RTN4: variants seen among roughly 807,000 people sequenced by gnomAD.
RTN4 encodes reticulon-4.
RTN4 carries 32 observed loss-of-function variants against 90.4 expected under a neutral mutation model. The observed-to-expected ratio is 0.35, with a 90% CI of 0.27 to 0.48. RTN4 has a LOEUF of 0.48. Ranked by LOEUF, RTN4 falls within the 20% of genes least tolerant of loss-of-function variation. The pLI is 0.99. For missense variants in RTN4, 1,706 were observed against 1,430.2 expected, an observed-to-expected ratio of 1.19 and a Z score of -3.11; for synonymous variants, 629 against 552.5, an observed-to-expected ratio of 1.14 and a Z score of -1.94.
At chr2:55,016,902 G>C (rs1004647812) in intron 3 of RTN4, among the ~76,000 whole-genome samples, 4 of 152,104 alleles carry the variant, frequency 2.6e-5, no homozygotes, top group African/African-American at 4.8e-5. Context: ...TAGAACTCAG[G>C]TCTGTAAAAT....
At chr2:54,978,803 G>A (rs1677879446) in intron 5 of RTN4, among the ~76,000 whole-genome samples, 2 of 152,078 alleles carry the variant, frequency 1.3e-5, no homozygotes, top group Admixed American at 6.6e-5. Flanking sequence ...CTCAACTGGA[G>A]AGACTGGAGC....
upstream of RTN4, chr2:55,050,794 G>C (rs1255419220): frequency 8.3e-6 from 1 of 120,954 alleles, no homozygotes; most frequent in Non-Finnish European, 1.7e-5. The surrounding 1 kb of genome is among the most constrained non-coding windows in gnomAD (Gnocchi z 4.6). Context: ...GAGTTGGGGT[G>C]GGGTCTTGGC....
chr2:54,988,415 A>G (rs1285111275), intron 3 of RTN4, among the ~76,000 whole-genome samples: 1 of 152,220 alleles, frequency 6.6e-6, no homozygotes, highest in Non-Finnish European at 1.5e-5. Context: ...ATATTAACAC[A>G]CTAAAATGAG....
intron 3 of RTN4, among the ~76,000 whole-genome samples, chr2:55,011,267 T>C (rs1680621583): frequency 6.6e-6 from 1 of 152,088 alleles, no homozygotes; most frequent in Non-Finnish European, 1.5e-5. Context: ...GCTCAAGCAA[T>C]TCTCCCACCT....
At chr2:55,044,709 T>C (rs1683298188) in intron 1 of RTN4, among the ~76,000 whole-genome samples, 2 of 147,050 alleles carry the variant, frequency 1.4e-5, no homozygotes, top group Admixed American at 7.0e-5. Flanking sequence ...CACTATTCCA[T>C]GCAGTTATTT....
At position 55,025,392 on chromosome 2, in the gene RTN4, C is replaced by T. The variant is rs200686106; in HGVS notation, c.2707G>A (p.Ala903Thr). 1.2e-6 allele frequency: 2 copies of T among 1,613,816 alleles called. No homozygotes were observed. Among genetic ancestry groups the T allele is most frequent in the African/African-American group, 1.3e-5 (1 of 74,904 alleles). The change falls in exon 3 of 9, where the codon GCC (alanine) becomes ACC (threonine). Residue 903 changes from alanine to threonine, a missense_variant. Coordinates refer to ENST00000337526, the MANE Select transcript of RTN4 (RefSeq NM_020532.5). ...EVSHKSEIAN[A>T]PDGAGSLPCT... ...GGCAATGACCCAGCTCCATCCGGGG[C>T]ATTAGCAATTTCACTTTTGTGGGAT...
chr2:55,092,290 T>C (rs1573512197), intron 1 of RTN4, among the ~76,000 whole-genome samples: 1 of 150,818 alleles, frequency 6.6e-6, no homozygotes, highest in African/African-American at 2.4e-5. Flanking sequence ...GGCTGGAGTG[T>C]AATGGCATGA....
At chr2:55,043,891 T>C (rs1683237896) in intron 1 of RTN4, among the ~76,000 whole-genome samples, 1 of 151,044 alleles carries the variant, frequency 6.6e-6, no homozygotes, top group Non-Finnish European at 1.5e-5. Flanking sequence ...ACCTCAAAAA[T>C]AAAATAAAAT....
the RTN4 span, among the ~76,000 whole-genome samples, chr2:55,124,672 A>G: frequency 6.6e-6 from 1 of 152,272 alleles, no homozygotes; most frequent in Non-Finnish European, 1.5e-5. Flanking sequence ...TGCTATTCCT[A>G]TCAAACTACC....
chr2:55,049,865 G>A lies in RTN4; in HGVS notation c.436C>T (p.Pro146Ser). 1.5e-6 allele frequency: 2 copies of A among 1,316,670 alleles called. No individual in the cohort carries two copies. Among genetic ancestry groups the A allele is most frequent in the Non-Finnish European group, 1.9e-6 (2 of 1,036,278 alleles). 81.6% of individuals were successfully genotyped at this position (1,316,670 alleles called of 1,614,324 possible). The change falls in exon 1 of 9, where the codon CCT becomes TCT. Residue 146 changes from proline to serine, a missense_variant. Transcript: ENST00000337526. ...DDEPPARPPP[P>S]PPASVSPQAE... ...TGGGGGCTCACGCTGGCCGGGGGAG[G>A]AGGGGGAGGCCGGGCCGGAGGCTCG...
chr2:55,037,816 A>T (rs1307905598), intron 1 of RTN4, among the ~76,000 whole-genome samples: 2 of 152,258 alleles, frequency 1.3e-5, no homozygotes, highest in African/African-American at 4.8e-5. Flanking sequence ...TTTATGCAGA[A>T]ATACTAAGGG....
At chr2:55,051,374 G>T (rs1438887652), upstream of RTN4, among the ~76,000 whole-genome samples, 2 of 152,210 alleles carry the variant, frequency 1.3e-5, no homozygotes, top group Non-Finnish European at 2.9e-5. Context: ...TTAGGTTCAT[G>T]AGTCAACATT....
At chr2:55,137,798 C>T in the RTN4 span, among the ~76,000 whole-genome samples, 1 of 152,158 alleles carries the variant, frequency 6.6e-6, no homozygotes, top group African/African-American at 2.4e-5. Flanking sequence ...TCTGGGCAAG[C>T]GGAACCTGCC....
intron 1 of RTN4, among the ~76,000 whole-genome samples, chr2:55,033,978 T>C (rs1373571427): frequency 6.6e-6 from 1 of 152,210 alleles, no homozygotes; most frequent in Non-Finnish European, 1.5e-5. Flanking sequence ...TTATTCCTTC[T>C]ATCCAACTGT....
At chr2:55,040,624 T>G (rs1205714332) in intron 1 of RTN4, among the ~76,000 whole-genome samples, 1 of 152,114 alleles carries the variant, frequency 6.6e-6, no homozygotes, top group African/African-American at 2.4e-5. Flanking sequence ...AGTTCACAGA[T>G]CTGTAAATAT....
At chr2:54,993,081 AAAAAAAAAAAAAG>A (rs1301306137) in intron 3 of RTN4, among the ~76,000 whole-genome samples, 1 of 151,536 alleles carries the variant, frequency 6.6e-6, no homozygotes, top group Admixed American at 6.6e-5. Context: ...CTCGGAAAAA[AAAAAAAAAAAAAG>A]AAAAGAAATT....
At chr2:55,075,264 C>T (rs1420066472) in intron 2 of RTN4, among the ~76,000 whole-genome samples, 1 of 152,192 alleles carries the variant, frequency 6.6e-6, no homozygotes, top group Admixed American at 6.5e-5. Flanking sequence ...AAATCAGTAG[C>T]TCTGCTATAC....
chr2:55,056,138 A>G (rs922733584), intron 2 of RTN4, among the ~76,000 whole-genome samples: 5 of 152,136 alleles, frequency 3.3e-5, no homozygotes. Context: ...TAAACAATTC[A>G]TAAGTTTTAA....
chr2:55,053,149 TGATA>T (rs1208508301), upstream of RTN4, among the ~76,000 whole-genome samples: 1 of 152,214 alleles, frequency 6.6e-6, no homozygotes. Context: ...AATAAGTATT[TGATA>T]GATAGATGAG....
Sources: gnomAD v4.1 joint callset for allele counts (sites outside exome capture counted in the v4.1 genomes callset) on GRCh38, gnomAD v4.1.1 for gene constraint, Gnocchi (gnomAD v3.1) non-coding constraint, MANE v1.5 for transcripts, NCBI Gene and HGNC (gene_info 2026-07-23, HGNC 2026-07-21) for gene names.